The following PPP1R9A variants were observed in gnomAD, a reference collection of about 807,000 sequenced individuals.
The protein encoded by PPP1R9A is protein phosphatase 1 regulatory subunit 9A, also known as neurabin-1.
PPP1R9A carries 59 observed loss-of-function variants against 141.9 expected under a neutral mutation model. That is an observed-to-expected ratio of 0.42 (90% CI 0.34 to 0.52). PPP1R9A has a LOEUF of 0.52. Among genes scored for constraint, PPP1R9A ranks in the 20% least tolerant of loss-of-function variants. The pLI, the probability that PPP1R9A is intolerant of heterozygous loss-of-function variation, is 0.10. For synonymous variants in PPP1R9A, 500 were observed against 569.7 expected, an observed-to-expected ratio of 0.88 and a Z score of 1.74; for missense variants, 1,444 against 1,611.9, an observed-to-expected ratio of 0.90 and a Z score of 1.78.
chr7:94,964,066 C>T (rs1220486461), intron 2 of PPP1R9A, among the ~76,000 whole-genome samples: 1 of 152,152 alleles, frequency 6.6e-6, no homozygotes, highest in Non-Finnish European at 1.5e-5. Context: ...GTTCTGAATG[C>T]AACTTGTCAC....
chr7:94,921,773 G>A lies in PPP1R9A; in HGVS notation c.1395+10265G>A, dbSNP rs965959642. On this transcript the variant is annotated intron_variant, in intron 2 of 19. Transcript: ENST00000433360. ...CAGTAATTTAAATTATACACCAGGT[G>A]TTATATAATATTCTATGTCCAGAGC... 3.9e-5 allele frequency among the ~76,000 whole-genome samples: 6 copies of A among 152,156 alleles called. No homozygotes were observed. In the East Asian group the frequency reaches 1.2e-3, roughly 29 times the overall value.
intron 2 of PPP1R9A, among the ~76,000 whole-genome samples, chr7:95,072,105 T>C (rs1457239344): frequency 6.6e-6 from 1 of 151,170 alleles, no homozygotes; most frequent in Non-Finnish European, 1.5e-5. Flanking sequence ...ATAAAAGAAA[T>C]ATGTATATTC....
intron 12 of PPP1R9A, among the ~76,000 whole-genome samples, chr7:95,256,068 A>G (rs765020904): frequency 3.9e-5 from 6 of 152,090 alleles, no homozygotes; most frequent in Admixed American, 1.3e-4. Flanking sequence ...AGTGTGAACA[A>G]GGAGGGTTAT....
intron 4 of PPP1R9A, among the ~76,000 whole-genome samples, chr7:95,152,320 T>C (rs1298688910): frequency 6.6e-6 from 1 of 152,188 alleles, no homozygotes; most frequent in Non-Finnish European, 1.5e-5. Flanking sequence ...TAATTCCAGG[T>C]AAATTGTTAT....
chr7:95,269,280 C>T lies in PPP1R9A; in HGVS notation c.2897C>T (p.Pro966Leu), dbSNP rs1194785375. The change falls in exon 14 of 20, where the codon CCA (proline) becomes CTA (leucine). Residue 966 changes from proline (P) to leucine (L), a missense_variant. Physicochemically the swap from Pro to Leu is moderately conservative, Grantham distance 98. Transcript: ENST00000433360. ...LPPKGLRTSS[P>L]ESDSGVPPLT... ...CCTAAGGGTTTGAGAACGTCTTCTC[C>T]AGAATCAGATTCTGGTGTTCCACCC... 2.5e-6 allele frequency: 4 copies of T among 1,587,352 alleles called. No individual in the cohort carries two copies. In the African/African-American group the frequency reaches 4.0e-5, roughly 16 times the overall value.
intron 2 of PPP1R9A, among the ~76,000 whole-genome samples, chr7:95,010,993 A>G (rs1804341288): frequency 6.6e-6 from 1 of 152,198 alleles, no homozygotes; most frequent in African/African-American, 2.4e-5. Flanking sequence ...GACAGAATGC[A>G]GTCTGAGAGA....
chr7:95,028,726 A>G (rs1249562833), intron 2 of PPP1R9A, among the ~76,000 whole-genome samples: 1 of 152,214 alleles, frequency 6.6e-6, no homozygotes, highest in Non-Finnish European at 1.5e-5. Context: ...TACGTAAAGA[A>G]CATCCTATTT....
chr7:95,143,297 T>C (rs1434660292), intron 4 of PPP1R9A, among the ~76,000 whole-genome samples: 1 of 152,172 alleles, frequency 6.6e-6, no homozygotes, highest in Non-Finnish European at 1.5e-5. Context: ...TGGTCTGGTT[T>C]AGTCTTTATT....
At chr7:95,155,504 A>T (rs1212169386) in intron 4 of PPP1R9A, 2 of 152,134 alleles carry the variant, frequency 1.3e-5, no homozygotes, top group African/African-American at 4.8e-5. Context: ...TTGCTATTTG[A>T]GAATCACTTT....
chr7:95,000,279 G>A (rs1384548638), intron 2 of PPP1R9A, among the ~76,000 whole-genome samples: 2 of 152,120 alleles, frequency 1.3e-5, no homozygotes, highest in Admixed American at 1.3e-4. Context: ...CTGTTCTATT[G>A]CATTGCAGTG....
intron 7 of PPP1R9A, among the ~76,000 whole-genome samples, chr7:95,214,634 C>T (rs1456427251): frequency 6.6e-6 from 1 of 152,064 alleles, no homozygotes; most frequent in Non-Finnish European, 1.5e-5. Flanking sequence ...AGGGCATGAA[C>T]ACCCAGAAAG....
At chr7:95,120,352 T>TA (rs1405206620) in intron 3 of PPP1R9A, among the ~76,000 whole-genome samples, 1 of 152,238 alleles carries the variant, frequency 6.6e-6, no homozygotes, top group Non-Finnish European at 1.5e-5. Flanking sequence ...CAGATTTATT[T>TA]AAAATTATAT....
At chr7:95,096,581 ATCT>A (rs1241226868) in intron 2 of PPP1R9A, among the ~76,000 whole-genome samples, 2 of 151,990 alleles carry the variant, frequency 1.3e-5, no homozygotes, top group Non-Finnish European at 2.9e-5. Flanking sequence ...GTTCTCTCTA[ATCT>A]TCTTTGTAAA....
intron 1 of PPP1R9A, chr7:94,908,537 T>G (rs1584147633): frequency 6.6e-6 from 1 of 152,366 alleles, no homozygotes; most frequent in Non-Finnish European, 1.5e-5. Flanking sequence ...CTCCCGGTCC[T>G]GCCCCAGGGC....
intron 7 of PPP1R9A, chr7:95,214,190 C>G (rs530989799): frequency 6.6e-6 from 1 of 152,342 alleles, no homozygotes; most frequent in African/African-American, 2.4e-5. Flanking sequence ...ATTACCGTGT[C>G]TGTGGGTCAA....
intron 2 of PPP1R9A, among the ~76,000 whole-genome samples, chr7:95,082,108 C>A (rs144504961): frequency 6.6e-6 from 1 of 152,164 alleles, no homozygotes; most frequent in African/African-American, 2.4e-5. Context: ...AGTGCTAACA[C>A]GTTGTTTTTT....
At chr7:95,181,388 G>T (rs1011652667) in intron 5 of PPP1R9A, among the ~76,000 whole-genome samples, 26 of 127,516 alleles carry the variant, frequency 2.0e-4, no homozygotes, top group African/African-American at 7.1e-4. Flanking sequence ...AGAGAGAATA[G>T]AGAGAATATA....
chr7:95,051,530 T>G (rs1027364592), intron 2 of PPP1R9A, among the ~76,000 whole-genome samples: 1 of 152,188 alleles, frequency 6.6e-6, no homozygotes, highest in African/African-American at 2.4e-5. Context: ...TTTCTGAGAT[T>G]TTGATTGGGA....
chr7:95,273,767 A>T, intron 14 of PPP1R9A, 132 bp from the exon 15 acceptor site: 2 of 868,728 alleles, frequency 2.3e-6, no homozygotes, highest in Non-Finnish European at 3.5e-6. Flanking sequence ...AGGTCGTATA[A>T]GAAGGCATTG....
Sources: allele counts gnomAD v4.1 joint callset (sites outside exome capture counted in the v4.1 genomes callset), GRCh38; gene constraint gnomAD v4.1.1; transcripts MANE v1.5; gene names NCBI Gene and HGNC (gene_info 2026-07-23, HGNC 2026-07-21).